Variants in CCDC171 observed in about 807,000 individuals in gnomAD.
CCDC171 encodes the protein coiled-coil domain containing 171, also known as coiled-coil domain-containing protein 171.
Under a neutral mutation model 168.2 loss-of-function variants are expected in CCDC171, and 177 were observed. The ratio of observed to expected loss-of-function variants is 1.05; its 90% CI spans 0.93 to 1.19. The LOEUF is 1.19. Among genes scored for constraint, CCDC171 ranks in the 50% most tolerant of loss-of-function variants. The pLI, the probability that CCDC171 is intolerant of heterozygous loss-of-function variation, is 0.00. For missense variants in CCDC171, 1,991 were observed against 1,539.0 expected (o/e 1.29, Z -4.91); for synonymous variants, 687 against 540.8 (o/e 1.27, Z -3.75).
At chr9:15,849,167 T>G (rs1351622882) in intron 23 of CCDC171, among the ~76,000 whole-genome samples, 1 of 151,744 alleles carries the variant, frequency 6.6e-6, no homozygotes, top group East Asian at 1.9e-4. Flanking sequence ...AAATAGTGGT[T>G]TCCCCAAACT....
At chr9:15,707,186 T>G (rs2052311038) in intron 11 of CCDC171, among the ~76,000 whole-genome samples, 1 of 152,202 alleles carries the variant, frequency 6.6e-6, no homozygotes, top group African/African-American at 2.4e-5. Context: ...CCTAATTCAC[T>G]GAGGTTTACA....
chr9:15,572,704 C>G (rs2040329942), intron 3 of CCDC171, among the ~76,000 whole-genome samples: 1 of 152,178 alleles, frequency 6.6e-6, no homozygotes, highest in African/African-American at 2.4e-5. Flanking sequence ...CAACATGTTG[C>G]TGTTATAGAT....
intron 3 of CCDC171, among the ~76,000 whole-genome samples, chr9:15,992,763 A>C (rs1356587957): frequency 2.0e-5 from 3 of 152,236 alleles, no homozygotes; most frequent in African/African-American, 7.2e-5. Context: ...ATACATAATC[A>C]ATGTGCAAAA....
intron 11 of CCDC171, among the ~76,000 whole-genome samples, chr9:15,700,586 C>A (rs1453671126): frequency 6.6e-6 from 1 of 152,212 alleles, no homozygotes; most frequent in Non-Finnish European, 1.5e-5. Context: ...TGAGGACTGC[C>A]AGCACGCTGT....
At chr9:15,956,800 G>T (rs570759492) in intron 25 of CCDC171, among the ~76,000 whole-genome samples, 4 of 152,224 alleles carry the variant, frequency 2.6e-5, no homozygotes, top group Non-Finnish European at 5.9e-5. Context: ...ATGAGTAGAG[G>T]CTGAATTCCA....
chr9:15,573,712 A>G (rs2040418417), intron 3 of CCDC171, among the ~76,000 whole-genome samples: 1 of 152,206 alleles, frequency 6.6e-6, no homozygotes, highest in Non-Finnish European at 1.5e-5. Flanking sequence ...TTTAAAACCA[A>G]ATGCACATTT....
chr9:16,014,769 C>A (rs1832967226), intron 3 of CCDC171, among the ~76,000 whole-genome samples: 1 of 152,138 alleles, frequency 6.6e-6, no homozygotes, highest in South Asian at 2.1e-4. Context: ...AATCTCATTT[C>A]TTGAGCAATA....
chr9:15,959,022 G>A (rs1830091531), intron 25 of CCDC171, among the ~76,000 whole-genome samples: 1 of 152,172 alleles, frequency 6.6e-6, no homozygotes, highest in Non-Finnish European at 1.5e-5. Context: ...CTCTCTGTGA[G>A]TTTATGAGGA....
At chr9:15,869,680 T>G (rs958085544) in intron 23 of CCDC171, among the ~76,000 whole-genome samples, 1 of 151,708 alleles carries the variant, frequency 6.6e-6, no homozygotes, top group African/African-American at 2.4e-5. Flanking sequence ...AAGTGGTCAG[T>G]AGTTGTGACC....
intron 16 of CCDC171, among the ~76,000 whole-genome samples, chr9:15,738,294 A>G (rs1396279005): frequency 6.6e-6 from 1 of 152,190 alleles, no homozygotes; most frequent in African/African-American, 2.4e-5. Flanking sequence ...TCCGTGATTC[A>G]TTAAGGAAAA....
intron 23 of CCDC171, among the ~76,000 whole-genome samples, chr9:15,855,609 C>T (rs143902668): frequency 6.6e-6 from 1 of 151,818 alleles, no homozygotes; most frequent in East Asian, 1.9e-4. Context: ...CTGTTTTGTT[C>T]CTCAGTTCTT....
chr9:15,786,304 T>A (rs139843760), intron 21 of CCDC171, among the ~76,000 whole-genome samples: 1 of 152,236 alleles, frequency 6.6e-6, no homozygotes, highest in Non-Finnish European at 1.5e-5. Flanking sequence ...CCGATATGAC[T>A]GTGAATTTTT....
At chr9:15,774,033 G>T (rs1296246024) in intron 18 of CCDC171, among the ~76,000 whole-genome samples, 2 of 152,006 alleles carry the variant, frequency 1.3e-5, no homozygotes, top group South Asian at 2.1e-4. Context: ...ATCACTTGAG[G>T]TCAGGATTTC....
chr9:16,021,985 C>T (rs957638593), intron 4 of CCDC171, among the ~76,000 whole-genome samples: 2 of 152,190 alleles, frequency 1.3e-5, no homozygotes, highest in African/African-American at 4.8e-5. Context: ...AGCAGCCTCT[C>T]CTGATGGATG....
At chr9:15,850,121 T>C (rs749416017) in intron 23 of CCDC171, 1 of 151,972 alleles carries the variant, frequency 6.6e-6, no homozygotes, top group Non-Finnish European at 1.5e-5. Flanking sequence ...ATCTTTGGTA[T>C]GTTTTTTTGA....
At chr9:15,617,991 C>G (rs1292942014) in intron 6 of CCDC171, among the ~76,000 whole-genome samples, 1 of 151,876 alleles carries the variant, frequency 6.6e-6, no homozygotes, top group Non-Finnish European at 1.5e-5. Context: ...GGGTCAGGGA[C>G]CCACTTGAGG....
At chr9:16,030,330 T>A (rs1282530274) in intron 6 of CCDC171, among the ~76,000 whole-genome samples, 1 of 152,216 alleles carries the variant, frequency 6.6e-6, no homozygotes, top group East Asian at 1.9e-4. Flanking sequence ...GTGTGTTTTA[T>A]ATGAATGGCA....
chr9:15,753,823 T>G (rs750415181), intron 18 of CCDC171, among the ~76,000 whole-genome samples: 4 of 152,152 alleles, frequency 2.6e-5, no homozygotes, highest in Non-Finnish European at 5.9e-5. Flanking sequence ...AGAGAATTAT[T>G]GATGTATCAC....
At chr9:15,792,726 C>T (rs1488788494) in intron 21 of CCDC171, among the ~76,000 whole-genome samples, 2 of 152,078 alleles carry the variant, frequency 1.3e-5, no homozygotes, top group Non-Finnish European at 2.9e-5. Context: ...CCAAACTAAG[C>T]TTCATAAGCG....
Sources: allele counts gnomAD v4.1 joint callset (sites outside exome capture counted in the v4.1 genomes callset), GRCh38; gene constraint gnomAD v4.1.1; transcripts MANE v1.5; gene names NCBI Gene and HGNC (gene_info 2026-07-23, HGNC 2026-07-21).